Variants in CMTM4 observed in about 807,000 individuals in gnomAD.
CMTM4 encodes CKLF like MARVEL transmembrane domain containing 4.
Under a neutral mutation model 19.0 loss-of-function variants are expected in CMTM4, and 8 were observed. The ratio of observed to expected loss-of-function variants is 0.42; its 90% CI spans 0.25 to 0.76. The LOEUF is 0.76. Ranked by LOEUF, CMTM4 falls within the 30% of genes least tolerant of loss-of-function variation. CMTM4 has a pLI of 0.27. For missense variants in CMTM4, 228 were observed against 290.2 expected, an observed-to-expected ratio of 0.79 and a Z score of 1.56; for synonymous variants, 106 against 121.1, an observed-to-expected ratio of 0.88 and a Z score of 0.82.
chr16:66,600,135 T>TGTGTG, the CMTM4 span, among the ~76,000 whole-genome samples: 6 of 134,142 alleles, frequency 4.5e-5, no homozygotes, highest in African/African-American at 1.5e-4. Context: ...TGTGTGTGTG[T>TGTGTG]GTTTTTTTTT....
At chr16:66,633,132 A>ATATATATATATAAAT (rs2015915089) in intron 2 of CMTM4, among the ~76,000 whole-genome samples, 2 of 129,846 alleles carry the variant, frequency 1.5e-5, no homozygotes, top group Admixed American at 1.6e-4. Flanking sequence ...TATATATATA[A>ATATATATATATAAAT]ATATATATAT....
intron 1 of CMTM4, among the ~76,000 whole-genome samples, chr16:66,664,827 A>T (rs889607411): frequency 6.6e-6 from 1 of 152,192 alleles, no homozygotes; most frequent in African/African-American, 2.4e-5. Flanking sequence ...TAAGCATACT[A>T]ATAATTACAT....
chr16:66,604,054 G>C, the CMTM4 span: 1 of 153,002 alleles, frequency 6.5e-6, no homozygotes, highest in African/African-American at 2.4e-5. Context: ...GTGTGTGTGA[G>C]AGAGAGAGAT....
At chr16:66,612,187 G>A (rs1251214491), downstream of CMTM4, among the ~76,000 whole-genome samples, 1 of 152,148 alleles carries the variant, frequency 6.6e-6, no homozygotes, top group Non-Finnish European at 1.5e-5. This position sits in a 1 kb window ranked among gnomAD's most constrained non-coding sequence, Gnocchi z 6.0. Context: ...GGCTGAGGTG[G>A]GTAGATCACC....
chr16:66,687,586 C>A (rs2144919271), intron 1 of CMTM4, among the ~76,000 whole-genome samples: 1 of 152,298 alleles, frequency 6.6e-6, no homozygotes, highest in African/African-American at 2.4e-5. Context: ...CCTCGGCCAC[C>A]CAGCTCCCCA....
In CMTM4 at chr16:66,621,191, T is replaced by C; in HGVS notation, c.*867A>G. 1.0e-6 allele frequency: 1 copy of C among 985,070 alleles called. No individual in the cohort carries two copies. Among genetic ancestry groups the C allele is most frequent in the Non-Finnish European group, 1.2e-6 (1 of 829,908 alleles). 61.0% of individuals were successfully genotyped at this position (985,070 alleles called of 1,614,324 possible). A position where few individuals can be genotyped will look rare whatever the true frequency, so the allele number is the denominator to read the frequency against. On this transcript the variant is annotated 3_prime_UTR_variant, in exon 4 of 4. Coordinates refer to ENST00000394106, the MANE Select transcript of CMTM4 (RefSeq NM_181521.3). The stretch of plus-strand genomic sequence containing the variant: ...GCGCACGCGTGTGCATGCTGTTTTT[T>C]AACACAAACACCTCCCACCTGCGGT...
chr16:66,678,435 G>A (rs766021589), intron 1 of CMTM4, among the ~76,000 whole-genome samples: 2 of 152,138 alleles, frequency 1.3e-5, no homozygotes, highest in East Asian at 1.9e-4. Context: ...GAATGCTTTC[G>A]AAATGAACCA....
At position 66,696,448 on chromosome 16, in the gene CMTM4, C is replaced by T; in HGVS notation, c.78G>A (p.Pro26=). 7 of 1,352,534 alleles carry T rather than the reference C, an allele frequency of 5.2e-6. No individual in the cohort carries two copies. Among genetic ancestry groups the T allele is most frequent in the Middle Eastern group, 5.5e-4 (2 of 3,644 alleles). 83.8% of individuals were successfully genotyped at this position (1,352,534 alleles called of 1,614,324 possible). Residue 26 remains proline, a synonymous_variant, in exon 1 of 4, where the codon CCG becomes CCA. Transcript: ENST00000394106. The surrounding 1 kb of genome is among the most constrained non-coding windows in gnomAD (Gnocchi z 4.3). ...TCACCGGCTCGGTGGTGGGCTGGTA[C>T]GGGCTGCTGGCGCCCGAGATCATGG... ...STSMISGASS[P]YQPTTEPVSQ...
At chr16:66,609,552 C>A in the CMTM4 span, 1 of 1,571,748 alleles carries the variant, frequency 6.4e-7, no homozygotes, top group Non-Finnish European at 8.7e-7. The surrounding 1 kb of genome is among the most constrained non-coding windows in gnomAD (Gnocchi z 4.4). Flanking sequence ...CCCCACCCCT[C>A]TGGAAACTGC....
chr16:66,650,826 A>G (rs1403982437), intron 1 of CMTM4, among the ~76,000 whole-genome samples: 1 of 152,206 alleles, frequency 6.6e-6, no homozygotes, highest in Non-Finnish European at 1.5e-5. Flanking sequence ...GAGTAAAAAC[A>G]TGGAAGCTCA....
intron 1 of CMTM4, among the ~76,000 whole-genome samples, chr16:66,688,822 A>G (rs2017083976): frequency 6.6e-6 from 1 of 152,114 alleles, no homozygotes; most frequent in Admixed American, 6.6e-5. Context: ...TTCTTACTTC[A>G]GTGTTTTGTA....
chr16:66,602,223 C>G, the CMTM4 span, among the ~76,000 whole-genome samples: 6 of 152,168 alleles, frequency 3.9e-5, no homozygotes, highest in African/African-American at 1.2e-4. Flanking sequence ...ATGGCAAAAC[C>G]CTGTCTCTAC....
At chr16:66,613,289 G>C, downstream of CMTM4, 2 of 608,548 alleles carry the variant, frequency 3.3e-6, 1 homozygote, top group South Asian at 3.8e-5. Flanking sequence ...GACCATTCTG[G>C]GTCTAAGACT....
chr16:66,622,839 A>C lies in CMTM4; in HGVS notation c.462+565T>G, dbSNP rs1290928547. Among the ~76,000 whole-genome samples the C allele has an allele frequency of 2.0e-5, 3 of 152,222 alleles. No individual in the cohort carries two copies. The highest frequency in any genetic ancestry group is 2.0e-4 in the Admixed American group (3 of 15,286). The stretch of plus-strand genomic sequence containing the variant: ...ACAAATCGCCTGAGTGGCACCTGGG[A>C]GAGCAGTTCGTTTAATCATTTATAA... On this transcript the variant is annotated intron_variant, in intron 3 of 3. Transcript: ENST00000394106. The surrounding 1 kb of genome is among the most constrained non-coding windows in gnomAD (Gnocchi z 4.0).
intron 1 of CMTM4, among the ~76,000 whole-genome samples, chr16:66,682,793 T>C (rs1369361471): frequency 1.3e-5 from 2 of 152,116 alleles, no homozygotes. Context: ...TTTCTTTGCC[T>C]GAAAAGTGTC....
At chr16:66,604,988 A>C in the CMTM4 span, 1 of 1,440,714 alleles carries the variant, frequency 6.9e-7, no homozygotes, top group Non-Finnish European at 9.1e-7. Context: ...CCCCGCTAGG[A>C]CTGCGCGGCT....
the CMTM4 span, among the ~76,000 whole-genome samples, chr16:66,602,255 G>C: frequency 6.6e-6 from 1 of 152,126 alleles, no homozygotes; most frequent in African/African-American, 2.4e-5. Context: ...AAATTAGCTG[G>C]GTGTGGTGGC....
chr16:66,610,704 G>A (rs990119281), downstream of CMTM4: 7 of 397,454 alleles, frequency 1.8e-5, no homozygotes, highest in South Asian at 1.4e-4. This position sits in a 1 kb window ranked among gnomAD's most constrained non-coding sequence, Gnocchi z 4.6. Flanking sequence ...TGGACCAGGC[G>A]GATGTGCCCC....
intron 3 of CMTM4, 136 bp downstream of exon 3, chr16:66,623,268 A>AC (rs781751902): frequency 1.7e-6 from 1 of 604,326 alleles, no homozygotes. Flanking sequence ...AGGGACTGGG[A>AC]CCCCCACTGG....
Sources: allele counts gnomAD v4.1 joint callset (sites outside exome capture counted in the v4.1 genomes callset), GRCh38; gene constraint gnomAD v4.1.1; non-coding constraint Gnocchi (gnomAD v3.1); transcripts MANE v1.5; gene names NCBI Gene and HGNC (gene_info 2026-07-23, HGNC 2026-07-21).